The following AMMECR1L variants were observed in gnomAD, a reference collection of about 807,000 sequenced individuals.
The protein encoded by AMMECR1L is AMMECR1-like protein.
Under a neutral mutation model 36.8 loss-of-function variants are expected in AMMECR1L, and 4 were observed. The observed-to-expected ratio is 0.11, with a 90% CI of 0.05 to 0.25. AMMECR1L has a LOEUF of 0.25. Ranked by LOEUF, AMMECR1L falls within the 10% of genes least tolerant of loss-of-function variation. The pLI, the probability that AMMECR1L is intolerant of heterozygous loss-of-function variation, is 1.00. For missense variants in AMMECR1L, 232 were observed against 392.1 expected (o/e 0.59, Z 3.45); for synonymous variants, 147 against 148.0 (o/e 0.99, Z 0.05).
At position 127,874,276 on chromosome 2, in the gene AMMECR1L, A is replaced by C; in HGVS notation, c.-38-4T>G. On this transcript the variant is annotated splice_region_variant and splice_polypyrimidine_tract_variant and intron_variant, in intron 2 of 7. Coordinates refer to ENST00000272647, the MANE Select transcript of AMMECR1L (RefSeq NM_001199140.2). The surrounding 1 kb of genome is among the most constrained non-coding windows in gnomAD (Gnocchi z 5.2). ...AGGTCTGGAATGCTGCAGAACCCTA[A>C]CCAAAATGAGAAGTTAAGCATTAAT... The C allele has an allele frequency of 6.3e-7, 1 of 1,592,274 alleles. No homozygotes were observed. The highest frequency in any genetic ancestry group is 2.2e-5 in the East Asian group (1 of 44,840).
chr2:127,879,477 T>A (rs1181200303), intron 2 of AMMECR1L, among the ~76,000 whole-genome samples: 1 of 152,198 alleles, frequency 6.6e-6, no homozygotes, highest in Non-Finnish European at 1.5e-5. Context: ...TGCTATGCTG[T>A]CTGTACAGCC....
intron 2 of AMMECR1L, among the ~76,000 whole-genome samples, chr2:127,877,826 C>T (rs892335446): frequency 2.0e-5 from 3 of 152,052 alleles, no homozygotes; most frequent in Non-Finnish European, 4.4e-5. Context: ...GGAGGTCGAT[C>T]GAGGTGGGAG....
At position 127,883,914 on chromosome 2, in the gene AMMECR1L, T is replaced by C. The variant is rs77309156; in HGVS notation, c.-39+289A>G. Among the ~76,000 whole-genome samples the C allele has an allele frequency of 8.8e-3, 1,344 of 152,306 alleles. 54 individuals are homozygous for C. Among genetic ancestry groups the C allele is most frequent in the East Asian group, 0.066 (341 of 5,180 alleles). On this transcript the variant is annotated intron_variant, in intron 2 of 7. Coordinates refer to ENST00000272647, the MANE Select transcript of AMMECR1L (RefSeq NM_001199140.2). The stretch of plus-strand genomic sequence containing the variant: ...CTCTTTGGTTGTATTGAGAAACTCA[T>C]TTGGGAAGGGTGAGGAGCCAGACCT...
Position 127,871,959 on chromosome 2 carries a change from T to C in AMMECR1L, c.408-600A>G, listed in dbSNP as rs1690991373. 1.3e-5 allele frequency among the ~76,000 whole-genome samples: 2 copies of C among 151,874 alleles called. No individual in the cohort carries two copies. The highest frequency in any genetic ancestry group is 4.8e-5 in the African/African-American group (2 of 41,358). On this transcript the variant is annotated intron_variant, in intron 3 of 7. Coordinates refer to ENST00000272647, the MANE Select transcript of AMMECR1L (RefSeq NM_001199140.2). This position sits in a 1 kb window ranked among gnomAD's most constrained non-coding sequence, Gnocchi z 4.3. ...ATCCCAGCACTTTGGGAGGCCAAGG[T>C]GGGCGGATCACTTGAGGTAAGGAGT...
At chr2:127,885,182 T>C in intron 1 of AMMECR1L, 1 of 982,732 alleles carries the variant, frequency 1.0e-6, no homozygotes, top group Non-Finnish European at 1.2e-6. Context: ...AGAGTAGGGG[T>C]GCGAAAAAGA....
chr2:127,869,706 G>A lies in AMMECR1L; in HGVS notation c.634-162C>T, dbSNP rs1690871031. 6.6e-6 allele frequency among the ~76,000 whole-genome samples: 1 copy of A among 152,192 alleles called. No individual in the cohort carries two copies. Among genetic ancestry groups the A allele is most frequent in the African/African-American group, 2.4e-5 (1 of 41,450 alleles). ...CTAATTCTATCTCAGGAGGTATAGAGGCCAAAGAAAGTTCTGCTTTTAGGG... is the reference window on the plus strand; with the variant it reads ...CTAATTCTATCTCAGGAGGTATAGAAGCCAAAGAAAGTTCTGCTTTTAGGG... On this transcript the variant is annotated intron_variant, in intron 5 of 7. Coordinates refer to ENST00000272647, the MANE Select transcript of AMMECR1L (RefSeq NM_001199140.2). The surrounding 1 kb of genome is among the most constrained non-coding windows in gnomAD (Gnocchi z 4.7).
Position 127,866,981 on chromosome 2 carries a change from T to C in AMMECR1L, c.740A>G (p.Gln247Arg). ...TTTCCTGAGCAAGGAGTCTATTGTC[T>C]GGATCTGATCCCAGTCTGGGGAGGA... ...VAKEQDWDQI[Q>R]TIDSLLRKGG... Residue 247 changes from glutamine (Q) to arginine (R), a missense_variant, in exon 7 of 8, where the codon CAG becomes CGG. Transcript: ENST00000272647. The C allele has an allele frequency of 6.2e-7, 1 of 1,614,230 alleles. No individual in the cohort carries two copies.
At position 127,871,422 on chromosome 2, in the gene AMMECR1L, C is replaced by T; in HGVS notation, c.408-63G>A. 1 of 1,523,694 alleles carries T rather than the reference C, an allele frequency of 6.6e-7. No homozygotes were observed. The highest frequency in any genetic ancestry group is 2.3e-5 in the East Asian group (1 of 42,608). The allele number at this position is 1,523,694 out of a possible 1,614,324, so 94.4% of individuals were successfully genotyped here. A position where few individuals can be genotyped will look rare whatever the true frequency, so the allele number is the denominator to read the frequency against. ...AATTAATCATGGATAAGAACAAAACCTTTTGGCTTTGTCCCTATTCATTTC... is the reference window on the plus strand; with the variant it reads ...AATTAATCATGGATAAGAACAAAACTTTTTGGCTTTGTCCCTATTCATTTC... On this transcript the variant is annotated intron_variant, in intron 3 of 7. Coordinates refer to ENST00000272647, the MANE Select transcript of AMMECR1L (RefSeq NM_001199140.2). The surrounding 1 kb of genome is among the most constrained non-coding windows in gnomAD (Gnocchi z 4.3).
At chr2:127,879,347 A>G (rs562573412) in intron 2 of AMMECR1L, among the ~76,000 whole-genome samples, 3 of 152,156 alleles carry the variant, frequency 2.0e-5, no homozygotes, top group African/African-American at 7.2e-5. Context: ...TGGGCATTTA[A>G]AAGTGTGTGG....
At chr2:127,870,646 C>T (rs1360478382) in intron 5 of AMMECR1L, among the ~76,000 whole-genome samples, 168 bp downstream of exon 5, 1 of 152,166 alleles carries the variant, frequency 6.6e-6, no homozygotes, top group Non-Finnish European at 1.5e-5. Flanking sequence ...TCTGCCTACT[C>T]CTGGTATAGC....
At chr2:127,868,788 G>A (rs567763935) in intron 6 of AMMECR1L, among the ~76,000 whole-genome samples, 89 of 151,604 alleles carry the variant, frequency 5.9e-4, no homozygotes, top group African/African-American at 2.0e-3. Context: ...GTAATGGCAC[G>A]ATCTTGGCTC....
At position 127,873,269 on chromosome 2, in the gene AMMECR1L, G is replaced by A. The variant is rs181560015; in HGVS notation, c.407+559C>T. 398 of 985,440 alleles carry A rather than the reference G, an allele frequency of 4.0e-4. 1 individual carries two copies. The African/African-American group carries it at 6.5e-3, about 16-fold the overall frequency. The allele number at this position is 985,440 out of a possible 1,614,324, so 61.0% of individuals were successfully genotyped here. On this transcript the variant is annotated intron_variant, in intron 3 of 7. Transcript: ENST00000272647. This position sits in a 1 kb window ranked among gnomAD's most constrained non-coding sequence, Gnocchi z 5.2. ...TATTTAAGTCACTGAGACCAGTAGA[G>A]GGCTTGGGACAAGCAACAAAGAATC...
At chr2:127,872,086 G>A (rs1476470521) in intron 3 of AMMECR1L, among the ~76,000 whole-genome samples, 2 of 151,714 alleles carry the variant, frequency 1.3e-5, no homozygotes, top group African/African-American at 2.4e-5. Flanking sequence ...CTACTCGGGA[G>A]GCTGAGGTGG....
intron 2 of AMMECR1L, among the ~76,000 whole-genome samples, chr2:127,883,603 C>CT (rs1262659033): frequency 6.6e-6 from 1 of 152,128 alleles, no homozygotes; most frequent in African/African-American, 2.4e-5. Context: ...GTGAAACACT[C>CT]TGAAAACTCT....
rs897612973 is a variant in AMMECR1L at position 127,864,076 on chromosome 2, G to A, written c.*1018C>T. On this transcript the variant is annotated 3_prime_UTR_variant, in exon 8 of 8. Coordinates refer to ENST00000272647, the MANE Select transcript of AMMECR1L (RefSeq NM_001199140.2). The stretch of plus-strand genomic sequence containing the variant: ...CTCTACAGGCAAACTAGAAAAAGGA[G>A]CTCCCCTGCTTACAGGCCCCTCAGG... The A allele has an allele frequency of 6.5e-6, 1 of 152,704 alleles. No homozygotes were observed. The highest frequency in any genetic ancestry group is 2.4e-5 in the African/African-American group (1 of 41,454). The allele number at this position is 152,704 out of a possible 1,614,324, so 9.5% of individuals were successfully genotyped here. A position where few individuals can be genotyped will look rare whatever the true frequency, so the allele number is the denominator to read the frequency against.
intron 7 of AMMECR1L, 39 bp downstream of exon 7, chr2:127,866,861 C>A: frequency 6.3e-7 from 1 of 1,579,750 alleles, no homozygotes; most frequent in Non-Finnish European, 8.7e-7. Flanking sequence ...TCAACCCCAA[C>A]TAAATTGAAA....
rs1047766212 is a variant in AMMECR1L at position 127,865,487 on chromosome 2, A to C, written c.822-282T>G. ...GCTTATCATCAGGCTGCTCGTAAGC[A>C]ATCCGCTACTGGGGTCTGGATGAAG... is the stretch of plus-strand genomic sequence containing the variant. On this transcript the variant is annotated intron_variant, in intron 7 of 7. Transcript: ENST00000272647. The surrounding 1 kb of genome is among the most constrained non-coding windows in gnomAD (Gnocchi z 5.4). 2.6e-5 allele frequency among the ~76,000 whole-genome samples: 4 copies of C among 152,174 alleles called. No individual in the cohort carries two copies. Among genetic ancestry groups the C allele is most frequent in the African/African-American group, 7.2e-5 (3 of 41,434 alleles).
intron 2 of AMMECR1L, among the ~76,000 whole-genome samples, chr2:127,883,069 T>C (rs868209338): frequency 1.3e-5 from 2 of 150,882 alleles, no homozygotes; most frequent in African/African-American, 4.9e-5. Flanking sequence ...GCTTTATAGA[T>C]TTTTAAAAAC....
intron 2 of AMMECR1L, among the ~76,000 whole-genome samples, chr2:127,878,667 C>T (rs1237631193): frequency 2.6e-5 from 4 of 152,184 alleles, no homozygotes; most frequent in Non-Finnish European, 4.4e-5. Context: ...CACTGATCCG[C>T]AGTGGGTCAT....
Sources: gnomAD v4.1 joint callset for allele counts (sites outside exome capture counted in the v4.1 genomes callset) on GRCh38, gnomAD v4.1.1 for gene constraint, Gnocchi (gnomAD v3.1) non-coding constraint, MANE v1.5 for transcripts, NCBI Gene and HGNC (gene_info 2026-07-23, HGNC 2026-07-21) for gene names.